Variants in TACC1 observed in about 807,000 individuals in gnomAD.
TACC1 encodes transforming acidic coiled-coil-containing protein 1.
TACC1 carries 48 observed loss-of-function variants against 84.4 expected under a neutral mutation model. The ratio of observed to expected loss-of-function variants is 0.57; its 90% CI spans 0.45 to 0.72. The LOEUF (loss-of-function observed/expected upper bound fraction) is 0.72, where lower values mean the gene tolerates loss of function less well. Ranked by LOEUF, TACC1 falls within the 30% of genes least tolerant of loss-of-function variation. TACC1 has a pLI of 0.00. For missense variants in TACC1, 920 were observed against 973.0 expected (o/e 0.95, Z 0.72); for synonymous variants, 372 against 376.3 (o/e 0.99, Z 0.13).
chr8:38,756,003 C>A (rs1417746037), intron 3 of TACC1, among the ~76,000 whole-genome samples: 1 of 151,666 alleles, frequency 6.6e-6, no homozygotes, highest in Non-Finnish European at 1.5e-5. Flanking sequence ...TTAGTAGAGA[C>A]GGGGTTTCAC....
chr8:38,739,852 T>C (rs1386607919), intron 1 of TACC1, among the ~76,000 whole-genome samples: 1 of 152,210 alleles, frequency 6.6e-6, no homozygotes, highest in Non-Finnish European at 1.5e-5. Context: ...CAGGCTGTGA[T>C]GCAGGAAAAA....
At chr8:38,757,511 G>A (rs1810330917) in intron 3 of TACC1, 1 of 1,085,514 alleles carries the variant, frequency 9.2e-7, no homozygotes, top group African/African-American at 1.7e-5. Context: ...GGAAGGTGGG[G>A]TTCCCGCTGG....
chr8:38,782,431 T>G (rs1012159109), upstream of TACC1, among the ~76,000 whole-genome samples: 3 of 152,212 alleles, frequency 2.0e-5, no homozygotes, highest in Non-Finnish European at 4.4e-5. Flanking sequence ...TGTTGGACAT[T>G]TGGGTTGGTT....
chr8:38,843,226 G>A (rs1343329172), intron 10 of TACC1, 63 bp from the exon 11 acceptor site: 25 of 1,117,736 alleles, frequency 2.2e-5, no homozygotes, highest in Non-Finnish European at 3.0e-5. Context: ...TGAAAACTCT[G>A]ATATGTGGTA....
At chr8:38,837,140 C>T (rs939414081) in intron 7 of TACC1, among the ~76,000 whole-genome samples, 5 of 133,740 alleles carry the variant, frequency 3.7e-5, no homozygotes, top group African/African-American at 5.8e-5. Context: ...AAAATCTTGG[C>T]GCAGTAGCTC....
At chr8:38,780,230 T>G (rs1008734741) in intron 3 of TACC1, among the ~76,000 whole-genome samples, 1 of 152,246 alleles carries the variant, frequency 6.6e-6, no homozygotes, top group Non-Finnish European at 1.5e-5. Flanking sequence ...ATCTAATCCA[T>G]CTGGAATTTA....
At chr8:38,846,163 G>C (rs1832202881) in intron 11 of TACC1, 1 of 151,148 alleles carries the variant, frequency 6.6e-6, no homozygotes. Flanking sequence ...GGCGCCTGTA[G>C]TCCCAGCTAC....
intron 6 of TACC1, among the ~76,000 whole-genome samples, chr8:38,835,750 T>C (rs1193481571): frequency 6.6e-6 from 1 of 152,268 alleles, no homozygotes; most frequent in African/African-American, 2.4e-5. Context: ...CATCAATATG[T>C]AACAGGAGCA....
At chr8:38,761,372 C>G (rs1353023049) in intron 3 of TACC1, among the ~76,000 whole-genome samples, 6 of 152,326 alleles carry the variant, frequency 3.9e-5, no homozygotes, top group African/African-American at 1.4e-4. Flanking sequence ...AGTTTCCAGA[C>G]CAATCGTTTG....
At chr8:38,728,964 C>G (rs1027591713) in intron 1 of TACC1, among the ~76,000 whole-genome samples, 1 of 152,136 alleles carries the variant, frequency 6.6e-6, no homozygotes, top group East Asian at 1.9e-4. Context: ...TTGCTCTTTT[C>G]TTTATTTTCT....
chr8:38,773,751 G>A (rs1273969294), intron 3 of TACC1, among the ~76,000 whole-genome samples: 1 of 152,138 alleles, frequency 6.6e-6, no homozygotes, highest in African/African-American at 2.4e-5. Context: ...TGTGTTCATG[G>A]AGCTTATGTC....
At chr8:38,781,399 T>G (rs950673702) in intron 3 of TACC1, among the ~76,000 whole-genome samples, 1 of 143,578 alleles carries the variant, frequency 7.0e-6, no homozygotes, top group Non-Finnish European at 1.6e-5. Context: ...TTTTTTTTTT[T>G]GAGGCGGAGA....
intron 3 of TACC1, among the ~76,000 whole-genome samples, chr8:38,756,438 T>C (rs1456627366): frequency 1.3e-5 from 2 of 151,432 alleles, no homozygotes; most frequent in African/African-American, 4.9e-5. Context: ...TAAGGACAGG[T>C]GGCTGGAGAG....
chr8:38,783,443 A>G (rs574104176), upstream of TACC1, among the ~76,000 whole-genome samples: 1 of 147,888 alleles, frequency 6.8e-6, no homozygotes, highest in South Asian at 2.1e-4. Context: ...TTTTTTTGAG[A>G]TGGAGTCTCA....
intron 3 of TACC1, chr8:38,824,077 TC>T (rs1827495544): frequency 7.8e-7 from 1 of 1,280,606 alleles, no homozygotes; most frequent in Admixed American, 1.9e-5. Context: ...CAGTTTCCTC[TC>T]TCCCCTCCCC....
chr8:38,803,775 G>A (rs1319146948), intron 2 of TACC1, among the ~76,000 whole-genome samples: 1 of 152,080 alleles, frequency 6.6e-6, no homozygotes, highest in African/African-American at 2.4e-5. Context: ...AGTAATATTG[G>A]CATGATGGAG....
intron 3 of TACC1, among the ~76,000 whole-genome samples, chr8:38,781,350 G>GT (rs1388900451): frequency 6.6e-6 from 1 of 151,766 alleles, no homozygotes; most frequent in Non-Finnish European, 1.5e-5. Context: ...AAAAGAAGAA[G>GT]GAATAAAATG....
chr8:38,760,936 A>T lies in TACC1; in HGVS notation c.26+15443A>T, dbSNP rs895373007. Among the ~76,000 whole-genome samples, 9 of 152,198 alleles carry T rather than the reference A, an allele frequency of 5.9e-5. No homozygotes were observed. The South Asian group carries it at 1.9e-3, about 32-fold the overall frequency. On this transcript the variant is annotated intron_variant, in intron 3 of 14. Transcript: ENST00000518415. ...GCACATGTATGTACCCATGAACCAG[A>T]TGCCATGCTGGGCTCTTTGGAAGGT... is the stretch of plus-strand genomic sequence containing the variant.
intron 9 of TACC1, 69 bp downstream of exon 9, chr8:38,840,336 T>C: frequency 1.4e-6 from 2 of 1,393,748 alleles, no homozygotes; most frequent in Non-Finnish European, 1.0e-6. Context: ...CAGCCTGGTA[T>C]AACAAAATAT....
Sources: gnomAD v4.1 joint callset for allele counts (sites outside exome capture counted in the v4.1 genomes callset) on GRCh38, gnomAD v4.1.1 for gene constraint, MANE v1.5 for transcripts, NCBI Gene and HGNC (gene_info 2026-07-23, HGNC 2026-07-21) for gene names.